The following KIF18A variants were observed in gnomAD, a reference collection of about 807,000 sequenced individuals.
KIF18A encodes kinesin family member 18A.
In KIF18A, 67 loss-of-function variants were observed where a neutral mutation model predicts 103.3. The ratio of observed to expected loss-of-function variants is 0.65; its 90% CI spans 0.53 to 0.79. The LOEUF (loss-of-function observed/expected upper bound fraction) is 0.79. Among genes scored for constraint, KIF18A ranks in the 30% least tolerant of loss-of-function variants. The probability of loss-of-function intolerance (pLI) is 0.00; values close to 1 mark genes in which losing one functional copy is unlikely to be tolerated. For missense variants in KIF18A, 1,032 were observed against 1,062.5 expected (o/e 0.97, Z 0.40); for synonymous variants, 367 against 355.5 (o/e 1.03, Z -0.36).
chr11:28,080,113 C>T (rs1316900291), intron 9 of KIF18A, among the ~76,000 whole-genome samples: 4 of 151,984 alleles, frequency 2.6e-5, no homozygotes, highest in Non-Finnish European at 5.9e-5. Context: ...ATGATTATGT[C>T]AGAAAAGAAC....
intron 9 of KIF18A, among the ~76,000 whole-genome samples, chr11:28,080,820 G>T (rs756258062): frequency 6.6e-5 from 10 of 152,188 alleles, no homozygotes; most frequent in Non-Finnish European, 8.8e-5. Flanking sequence ...TAGGCGAAAA[G>T]CTAGGTCTCT....
intron 5 of KIF18A, among the ~76,000 whole-genome samples, chr11:28,088,996 T>G (rs1253549344): frequency 6.6e-6 from 1 of 152,192 alleles, no homozygotes; most frequent in Non-Finnish European, 1.5e-5. Context: ...TGGTACCCCT[T>G]GAACCAGGAC....
chr11:28,072,445 C>A (rs970392764), intron 10 of KIF18A, among the ~76,000 whole-genome samples: 63 of 152,296 alleles, frequency 4.1e-4, no homozygotes, highest in Non-Finnish European at 6.5e-4. Flanking sequence ...TCTTTCAGCA[C>A]TTCTGATAAC....
intron 1 of KIF18A, among the ~76,000 whole-genome samples, chr11:28,105,193 T>C (rs1199686025): frequency 6.6e-6 from 1 of 152,192 alleles, no homozygotes; most frequent in African/African-American, 2.4e-5. Context: ...ATAAACCCTG[T>C]ACTGTCATTC....
chr11:28,058,411 G>T (rs1850809642), intron 13 of KIF18A, among the ~76,000 whole-genome samples: 1 of 150,142 alleles, frequency 6.7e-6, no homozygotes, highest in Non-Finnish European at 1.5e-5. Context: ...TCAGCAATTT[G>T]GGAGGCCAGG....
chr11:28,099,112 C>G (rs954280509), intron 1 of KIF18A, among the ~76,000 whole-genome samples: 1 of 151,844 alleles, frequency 6.6e-6, no homozygotes, highest in African/African-American at 2.4e-5. Flanking sequence ...ATAAATAGAT[C>G]GAAAAAATGT....
At chr11:28,053,924 TA>T (rs34579022) in intron 13 of KIF18A, among the ~76,000 whole-genome samples, 67,251 of 138,572 alleles carry the variant, frequency 0.49, 16,497 homozygotes, top group Admixed American at 0.58. Flanking sequence ...CTGGTGAGGC[TA>T]AAAAAAAAAA....
chr11:28,059,284 T>G (rs1850828088), intron 12 of KIF18A, 123 bp from the exon 13 acceptor site: 6 of 731,172 alleles, frequency 8.2e-6, no homozygotes, highest in Non-Finnish European at 1.3e-5. Flanking sequence ...ATGTATGAAC[T>G]GAGTTCTAGT....
At chr11:28,078,201 T>G (rs1851120519) in intron 9 of KIF18A, among the ~76,000 whole-genome samples, 1 of 152,124 alleles carries the variant, frequency 6.6e-6, no homozygotes. Flanking sequence ...CGTCAGTAGC[T>G]CTTAATGAAA....
At chr11:28,097,351 G>A (rs570383130) in intron 2 of KIF18A, 1 of 347,510 alleles carries the variant, frequency 2.9e-6, no homozygotes, top group African/African-American at 2.1e-5. Flanking sequence ...ATAAGCATGT[G>A]GTTTAATAAC....
At chr11:28,026,183 C>T (rs977317864) in intron 15 of KIF18A, among the ~76,000 whole-genome samples, 4 of 151,800 alleles carry the variant, frequency 2.6e-5, no homozygotes, top group Non-Finnish European at 5.9e-5. Flanking sequence ...ATCTAATATA[C>T]TCAATTATTT....
At position 28,090,606 on chromosome 11, in the gene KIF18A, T is replaced by A; in HGVS notation, c.699+11A>T. Reference sequence around the variant, plus strand: ...TCCAATTTTAAGAGTGATAGTCTAGTGGCCTCTTACTTGGAAAACAGCATG... The same window carrying A: ...TCCAATTTTAAGAGTGATAGTCTAGAGGCCTCTTACTTGGAAAACAGCATG... On this transcript the variant is annotated intron_variant, in intron 5 of 16. Transcript: ENST00000263181. 7.5e-7 allele frequency: 1 copy of A among 1,329,224 alleles called. No homozygotes were observed. The highest frequency in any genetic ancestry group is 1.1e-6 in the Non-Finnish European group (1 of 923,658). 82.3% of individuals were successfully genotyped at this position (1,329,224 alleles called of 1,614,324 possible).
In KIF18A at chr11:28,083,222, C is replaced by T. The variant is rs777371509; in HGVS notation, c.1096G>A (p.Val366Ile). 1.4e-4 allele frequency: 224 copies of T among 1,556,662 alleles called. No individual in the cohort carries two copies. Among genetic ancestry groups the T allele is most frequent in the South Asian group, 5.3e-4 (43 of 80,452 alleles). The change falls in exon 8 of 17, where the codon GTC becomes ATC. Residue 366 changes from valine to isoleucine, a missense_variant. By Grantham distance (29) the Val-to-Ile change is conservative (BLOSUM62 3). Transcript: ENST00000263181. ...KSSLKSNVLN[V>I]NNHITQYVKI... ...ACATATTGAGTTATATGATTATTGA[C>T]ATTAAGAACATTGCTCTTCAACTGT...
chr11:28,085,354 C>T (rs181975726), intron 6 of KIF18A, among the ~76,000 whole-genome samples: 206 of 152,264 alleles, frequency 1.4e-3, no homozygotes, highest in African/African-American at 4.0e-3. Flanking sequence ...CGCAGTCATC[C>T]GGAGGCCTAA....
chr11:28,053,543 G>C (rs1269309933), intron 13 of KIF18A, among the ~76,000 whole-genome samples: 1 of 151,938 alleles, frequency 6.6e-6, no homozygotes, highest in Non-Finnish European at 1.5e-5. Flanking sequence ...TAGGGTACAT[G>C]TGCACAACGT....
intron 13 of KIF18A, among the ~76,000 whole-genome samples, chr11:28,052,012 T>C (rs1850717539): frequency 6.6e-6 from 1 of 152,112 alleles, no homozygotes; most frequent in Non-Finnish European, 1.5e-5. Flanking sequence ...TTAGATTCAG[T>C]CTTAAGCATT....
Position 28,023,749 on chromosome 11 carries a change from G to C in KIF18A, c.2606C>G (p.Pro869Arg). 6 of 1,591,406 alleles carry C rather than the reference G, an allele frequency of 3.8e-6. No homozygotes were observed. Among genetic ancestry groups the C allele is most frequent in the Non-Finnish European group, 5.2e-6 (6 of 1,160,154 alleles). ...TAAAAGCTGAGACATACCCATTGTT[G>C]GTTTGTTTTCTTGTAAGTGCTTCTC... ...SSEKHLQENK[P>R]TMEHKRNICK... Residue 869 changes from proline (P) to arginine (R), a missense_variant, in exon 16 of 17, where the codon CCA (proline) becomes CGA (arginine). Pro to Arg is a moderately radical substitution (Grantham distance 103). Transcript: ENST00000263181.
intron 13 of KIF18A, among the ~76,000 whole-genome samples, chr11:28,053,981 AAGG>A (rs1305106636): frequency 2.0e-5 from 3 of 151,910 alleles, no homozygotes; most frequent in Non-Finnish European, 4.4e-5. Flanking sequence ...AAATCACTTG[AAGG>A]AGGAGAGTTA....
At position 28,036,650 on chromosome 11, in the gene KIF18A, C is replaced by T. The variant is rs1482375610; in HGVS notation, c.1963G>A (p.Gly655Arg). 4 of 1,590,492 alleles carry T rather than the reference C, an allele frequency of 2.5e-6. No homozygotes were observed. Among genetic ancestry groups the T allele is most frequent in the Non-Finnish European group, 3.4e-6 (4 of 1,166,512 alleles). The part of the protein sequence containing the change: ...QPIPCCSSSG[G>R]TNLVKIPTEK... ...GTAGGAATCTTAACCAGATTAGTTC[C>T]ACCTGAAGATGAGCCTATTCAAAAA... Residue 655 changes from glycine (G) to arginine (R), a missense_variant, in exon 14 of 17, where the codon GGA becomes AGA. Gly to Arg is a moderately radical substitution (Grantham distance 125). Coordinates refer to ENST00000263181, the MANE Select transcript of KIF18A (RefSeq NM_031217.4).
Sources: gnomAD v4.1 joint callset for allele counts (sites outside exome capture counted in the v4.1 genomes callset) on GRCh38, gnomAD v4.1.1 for gene constraint, MANE v1.5 for transcripts, NCBI Gene and HGNC (gene_info 2026-07-23, HGNC 2026-07-21) for gene names.